Variants in NDE1 observed in about 807,000 individuals in gnomAD.
NDE1 encodes the protein nuclear distribution protein nudE homolog 1.
A neutral mutation model predicts 43.4 loss-of-function variants in NDE1; 28 were observed. That is an observed-to-expected ratio of 0.65 (90% CI 0.48 to 0.89). The LOEUF is 0.89. Ranked by LOEUF, NDE1 falls within the 40% of genes least tolerant of loss-of-function variation. The probability of loss-of-function intolerance (pLI) is 0.00; values close to 1 mark genes in which losing one functional copy is unlikely to be tolerated. For synonymous variants in NDE1, 184 were observed against 172.0 expected (o/e 1.07, Z -0.55); for missense variants, 441 against 434.1 (o/e 1.02, Z -0.14).
chr16:15,720,047 G>A (rs2040383427), intron 8 of NDE1: 3 of 1,457,400 alleles, frequency 2.1e-6, no homozygotes, highest in South Asian at 2.3e-5. Flanking sequence ...CACACCAATG[G>A]CAGGTGCAGG....
rs2038492314 is a variant in NDE1, at chr16:15,687,356, C to A, written c.387-19C>A. On this transcript the variant is annotated intron_variant, in intron 4 of 8. Transcript: ENST00000396354. Reference sequence around the variant, plus strand: ...CTGCGGTTTGTCCTCTTGGATAACTCTGCTTTTCTCTTCGCCAGCGCCACG... The same window carrying A: ...CTGCGGTTTGTCCTCTTGGATAACTATGCTTTTCTCTTCGCCAGCGCCACG... 1 of 1,614,052 alleles carries A rather than the reference C, an allele frequency of 6.2e-7. No homozygotes were observed. Among genetic ancestry groups the A allele is most frequent in the Non-Finnish European group, 8.5e-7 (1 of 1,179,988 alleles).
intron 1 of NDE1, chr16:15,651,715 C>G (rs369347639): frequency 6.6e-6 from 1 of 152,186 alleles, no homozygotes; most frequent in African/African-American, 2.4e-5. Context: ...GCTGGGATTA[C>G]AGGCGTGAGC....
chr16:15,645,042 C>T (rs947439941), intron 1 of NDE1, among the ~76,000 whole-genome samples: 1 of 151,642 alleles, frequency 6.6e-6, no homozygotes, highest in East Asian at 1.9e-4. Context: ...GCCTCAGCCT[C>T]CTGAGTAGCT....
intron 7 of NDE1, chr16:15,695,493 C>A (rs1460587687): frequency 5.4e-5 from 43 of 798,544 alleles, no homozygotes; most frequent in Non-Finnish European, 6.1e-5. Context: ...GAGACTTGGT[C>A]TCAAAAAAAA....
chr16:15,685,598 C>T (rs1488732440), intron 4 of NDE1, among the ~76,000 whole-genome samples: 1 of 152,114 alleles, frequency 6.6e-6, no homozygotes, highest in Non-Finnish European at 1.5e-5. Flanking sequence ...CTATCCACTA[C>T]TTCTAAAGAC....
At chr16:15,720,370 C>T in intron 8 of NDE1, 3 of 1,571,658 alleles carry the variant, frequency 1.9e-6, no homozygotes, top group South Asian at 1.2e-5. Context: ...TCCTTTGGCT[C>T]ACCTAGGCAG....
In NDE1 at chr16:15,715,098, GA is replaced by G. The variant is rs1555550026; in HGVS notation, c.948-9092del. On this transcript the variant is annotated intron_variant, in intron 8 of 8. Transcript: ENST00000396354. ...TTTCTCTGCCTGTCGCGGAGAGTTG[GA>G]GGGGTGGTTAGGGGAGGCCGGCTGG... The G allele has an allele frequency of 1.2e-6, 2 of 1,612,642 alleles. No homozygotes were observed. Among genetic ancestry groups the G allele is most frequent in the Non-Finnish European group, 1.7e-6 (2 of 1,180,022 alleles).
chr16:15,667,535 T>A, intron 3 of NDE1, 96 bp downstream of exon 3: 1 of 1,447,146 alleles, frequency 6.9e-7, no homozygotes, highest in South Asian at 1.2e-5. Flanking sequence ...AATGAGGGAC[T>A]CCAGACCCCA....
Position 15,696,857 on chromosome 16 carries a change from AG to A in NDE1, c.947+1del. The A allele has an allele frequency of 1.2e-6, 2 of 1,614,048 alleles. No individual in the cohort carries two copies. The highest frequency in any genetic ancestry group is 1.7e-6 in the Non-Finnish European group (2 of 1,180,004). On this transcript the variant is annotated frameshift_variant and splice_region_variant, in exon 8 of 9. Transcript: ENST00000396354. LOFTEE classifies it high-confidence loss of function. ...PSSTSVPLGD[K>X]GLDTSCRWLS... ...AGCACCAGCGTGCCTTTGGGTGATAAGGGGTCAGTACCTTCTAATAAACCTC... is the reference window on the plus strand; with the variant it reads ...AGCACCAGCGTGCCTTTGGGTGATAAGGGTCAGTACCTTCTAATAAACCTC...
chr16:15,699,489 AAAC>A, intron 8 of NDE1: 1 of 1,106,926 alleles, frequency 9.0e-7, no homozygotes, highest in African/African-American at 1.7e-5. Flanking sequence ...TAAAACAAAC[AAAC>A]AATAGGTAAG....
chr16:15,694,265 A>G lies in NDE1; in HGVS notation c.795+9A>G. On this transcript the variant is annotated intron_variant, in intron 7 of 8. Transcript: ENST00000396354. ...TACTGCGGAAAGTCGGGGTAAGACC[A>G]CACTTTCCTGGCGTTTGGTGCCTTC... The G allele has an allele frequency of 1.9e-6, 3 of 1,612,532 alleles. No homozygotes were observed. The highest frequency in any genetic ancestry group is 2.5e-6 in the Non-Finnish European group (3 of 1,179,442).
In NDE1 at chr16:15,677,833, C is replaced by T. The variant is rs2037965315; in HGVS notation, c.270C>T (p.Tyr90=). ...TTGAAGTGCAGCACTCTGAAGGCTA[C>T]CGGCAGATCTCAGCCTTGGAGGATG... ...EKFEVQHSEG[Y]RQISALEDDL... The change falls in exon 4 of 9, where the codon TAC becomes TAT. Residue 90 remains tyrosine, a synonymous_variant. Coordinates refer to ENST00000396354, the MANE Select transcript of NDE1 (RefSeq NM_017668.3). 1 of 1,613,992 alleles carries T rather than the reference C, an allele frequency of 6.2e-7. No individual in the cohort carries two copies. The highest frequency in any genetic ancestry group is 1.3e-5 in the African/African-American group (1 of 74,908).
At chr16:15,702,856 G>T (rs1461453671) in intron 8 of NDE1, among the ~76,000 whole-genome samples, 1 of 152,114 alleles carries the variant, frequency 6.6e-6, no homozygotes, top group African/African-American at 2.4e-5. Context: ...AGGGCAGGGG[G>T]CAGTGGCCCT....
intron 5 of NDE1, among the ~76,000 whole-genome samples, chr16:15,688,633 CA>C (rs35767829): frequency 0.073 from 2,741 of 37,474 alleles, 23 homozygotes; most frequent in South Asian, 0.16. Flanking sequence ...ACTCTTGTCT[CA>C]AAAAAAAAAA....
At chr16:15,663,128 C>T (rs1012062759) in intron 1 of NDE1, among the ~76,000 whole-genome samples, 1 of 152,174 alleles carries the variant, frequency 6.6e-6, no homozygotes, top group Non-Finnish European at 1.5e-5. Context: ...CACTCGTCAC[C>T]TTTCAACCCA....
intron 8 of NDE1, chr16:15,713,996 T>G (rs778090337): frequency 6.6e-6 from 1 of 152,124 alleles, no homozygotes; most frequent in African/African-American, 2.4e-5. Flanking sequence ...GAGGGTCAAA[T>G]TGTGAGGGCT....
chr16:15,694,449 G>A (rs1354247499), intron 7 of NDE1, 193 bp downstream of exon 7: 11 of 1,399,910 alleles, frequency 7.9e-6, no homozygotes, highest in African/African-American at 5.7e-5. Flanking sequence ...GGGTTCAAGC[G>A]ATCCTCTCAC....
At chr16:15,658,184 C>T (rs981825983) in intron 1 of NDE1, among the ~76,000 whole-genome samples, 6 of 152,188 alleles carry the variant, frequency 3.9e-5, no homozygotes, top group Non-Finnish European at 8.8e-5. Flanking sequence ...GGCTTACCTC[C>T]GGCTTCAGGC....
chr16:15,719,153 G>A, intron 8 of NDE1: 1 of 1,465,284 alleles, frequency 6.8e-7, no homozygotes, highest in Non-Finnish European at 9.5e-7. Flanking sequence ...ATAAAATGGG[G>A]GTCGAGGATG....
Sources: allele counts gnomAD v4.1 joint callset (sites outside exome capture counted in the v4.1 genomes callset), GRCh38; gene constraint gnomAD v4.1.1; transcripts MANE v1.5; gene names NCBI Gene and HGNC (gene_info 2026-07-23, HGNC 2026-07-21).